EHMT1: variants seen among roughly 807,000 people sequenced by gnomAD.
The protein encoded by EHMT1 is histone-lysine N-methyltransferase EHMT1.
In EHMT1, 15 loss-of-function variants were observed where a neutral mutation model predicts 147.2. That is an observed-to-expected ratio of 0.10 (90% CI 0.07 to 0.16). The LOEUF is 0.16. EHMT1 is among the 10% of genes least tolerant of loss of function. The pLI is 1.00. For synonymous variants in EHMT1, 795 were observed against 709.6 expected, an observed-to-expected ratio of 1.12 and a Z score of -1.91; for missense variants, 1,587 against 1,772.4, an observed-to-expected ratio of 0.90 and a Z score of 1.88.
intron 1 of EHMT1, among the ~76,000 whole-genome samples, chr9:137,657,211 G>C (rs1938551496): frequency 6.6e-6 from 1 of 152,206 alleles, no homozygotes; most frequent in African/African-American, 2.4e-5. Context: ...CAGTCTTGAG[G>C]AAGCAGCAGG....
chr9:137,637,848 A>G (rs879314722), intron 1 of EHMT1, among the ~76,000 whole-genome samples: 2 of 151,562 alleles, frequency 1.3e-5, no homozygotes, highest in South Asian at 2.1e-4. Flanking sequence ...TAATTTCCTT[A>G]TTTGTTCTAG....
At position 137,743,353 on chromosome 9, in the gene EHMT1, T is replaced by A; in HGVS notation, c.824-18T>A. The stretch of plus-strand genomic sequence containing the variant: ...TTTTCCTTTCTTGTCCCCTTTTGAC[T>A]TTTTTTTTTTTTTTTAGCTTGCTTG... On this transcript the variant is annotated intron_variant, in intron 4 of 26. Transcript: ENST00000460843. The A allele has an allele frequency of 6.9e-6, 1 of 144,588 alleles. No homozygotes were observed. The allele number at this position is 144,588 out of a possible 1,614,324, so 9.0% of individuals were successfully genotyped here.
intron 25 of EHMT1, among the ~76,000 whole-genome samples, chr9:137,830,592 A>T (rs1956123896): frequency 6.6e-6 from 1 of 152,232 alleles, no homozygotes; most frequent in African/African-American, 2.4e-5. Context: ...TACCGATAAC[A>T]GTAAGCACCA....
At chr9:137,675,888 A>G (rs1283627271) in intron 1 of EHMT1, among the ~76,000 whole-genome samples, 3 of 136,848 alleles carry the variant, frequency 2.2e-5, no homozygotes, top group African/African-American at 5.6e-5. Flanking sequence ...GGTTCACGCC[A>G]TTCTCCCGCC....
intron 22 of EHMT1, 181 bp from the exon 23 acceptor site, chr9:137,815,766 G>C (rs1020646512): frequency 9.1e-6 from 6 of 657,390 alleles, no homozygotes; most frequent in Non-Finnish European, 1.7e-5. Flanking sequence ...TCTGGGTGGA[G>C]GCTTCTCATC....
At chr9:137,700,463 A>G (rs10780183) in intron 1 of EHMT1, among the ~76,000 whole-genome samples, 27,422 of 152,216 alleles carry the variant, frequency 0.18, 2,722 homozygotes, top group Admixed American at 0.31. Flanking sequence ...CTTAGACAAT[A>G]TATTAAAGTG....
intron 1 of EHMT1, among the ~76,000 whole-genome samples, chr9:137,673,152 T>G (rs1820145753): frequency 6.6e-6 from 1 of 152,182 alleles, no homozygotes; most frequent in Admixed American, 6.5e-5. Context: ...CAGGGTTGTC[T>G]CATCTTAGAG....
At chr9:137,780,477 T>C (rs1191431874) in intron 14 of EHMT1, among the ~76,000 whole-genome samples, 8 of 114,272 alleles carry the variant, frequency 7.0e-5, no homozygotes, top group Middle Eastern at 7.8e-3. Flanking sequence ...GTGATGACGC[T>C]GAGACGTGTG....
chr9:137,792,680 G>A (rs1464755102), intron 16 of EHMT1, among the ~76,000 whole-genome samples: 2 of 152,210 alleles, frequency 1.3e-5, no homozygotes, highest in African/African-American at 2.4e-5. Context: ...GCTCCAACCT[G>A]GGTGACAAGA....
At chr9:137,714,216 G>T (rs550802388) in intron 2 of EHMT1, among the ~76,000 whole-genome samples, 1 of 152,180 alleles carries the variant, frequency 6.6e-6, no homozygotes, top group Admixed American at 6.5e-5. Context: ...TCTGGTTTCT[G>T]ATCTTAGGGA....
chr9:137,650,662 C>A (rs916311608), intron 1 of EHMT1, among the ~76,000 whole-genome samples: 1 of 150,468 alleles, frequency 6.6e-6, no homozygotes, highest in Non-Finnish European at 1.5e-5. Context: ...TATAGGACCC[C>A]CCGCTTTTTT....
At chr9:137,811,212 A>G (rs932760497) in intron 18 of EHMT1, among the ~76,000 whole-genome samples, 4 of 152,168 alleles carry the variant, frequency 2.6e-5, no homozygotes, top group Non-Finnish European at 4.4e-5. Context: ...TGATTATGCT[A>G]CTTTTATAAT....
chr9:137,793,427 T>C (rs1256387590), intron 16 of EHMT1, among the ~76,000 whole-genome samples: 5 of 152,208 alleles, frequency 3.3e-5, no homozygotes, highest in African/African-American at 1.2e-4. Context: ...ATCGGAACTC[T>C]CACGCGTTGC....
At chr9:137,683,114 A>C (rs1240422910) in intron 1 of EHMT1, among the ~76,000 whole-genome samples, 1 of 152,266 alleles carries the variant, frequency 6.6e-6, no homozygotes, top group Non-Finnish European at 1.5e-5. Context: ...TACATGGGTT[A>C]GTTAGGTCAC....
chr9:137,741,937 A>G (rs2136022874), intron 4 of EHMT1, among the ~76,000 whole-genome samples: 1 of 152,336 alleles, frequency 6.6e-6, no homozygotes, highest in African/African-American at 2.4e-5. Flanking sequence ...TATCTATTCA[A>G]AATATCAAGA....
chr9:137,678,799 A>G (rs1036010444), intron 1 of EHMT1, among the ~76,000 whole-genome samples: 1 of 135,116 alleles, frequency 7.4e-6, no homozygotes, highest in Non-Finnish European at 1.5e-5. Context: ...ACGGCTGCCC[A>G]GCAGCTGGCA....
intron 1 of EHMT1, among the ~76,000 whole-genome samples, chr9:137,667,925 CCTT>C (rs1274072404): frequency 7.2e-5 from 11 of 152,054 alleles, no homozygotes; most frequent in African/African-American, 2.2e-4. Context: ...ATTATCTTTA[CCTT>C]CAGGGTAAAT....
chr9:137,819,622 GCGCCGTGTACC>G lies in EHMT1; in HGVS notation c.3540+1485_3540+1495del, dbSNP rs1564822614. ...AGACTGTAGAGAGGCCGATTGAGGG[GCGCCGTGTACC>G]GAGACTGTAGAGAGGCTGAGGGGGG... On this transcript the variant is annotated intron_variant, in intron 25 of 26. Coordinates refer to ENST00000460843, the MANE Select transcript of EHMT1 (RefSeq NM_024757.5). 3.0e-4 allele frequency among the ~76,000 whole-genome samples: 39 copies of G among 129,434 alleles called. 5 individuals carry two copies. Among genetic ancestry groups the G allele is most frequent in the African/African-American group, 1.4e-3 (37 of 27,010 alleles). The allele number at this position is 129,434 out of a possible 152,430, so 84.9% of individuals were successfully genotyped here. A position where few individuals can be genotyped will look rare whatever the true frequency, so the allele number is the denominator to read the frequency against.
At chr9:137,702,940 G>GATGATATCCATAC (rs1317506958) in intron 1 of EHMT1, among the ~76,000 whole-genome samples, 1 of 152,198 alleles carries the variant, frequency 6.6e-6, no homozygotes, top group African/African-American at 2.4e-5. Context: ...CAGATGTATG[G>GATGATATCCATAC]ATGATATCCA....
Sources: gnomAD v4.1 joint callset for allele counts (sites outside exome capture counted in the v4.1 genomes callset) on GRCh38, gnomAD v4.1.1 for gene constraint, MANE v1.5 for transcripts, NCBI Gene and HGNC (gene_info 2026-07-23, HGNC 2026-07-21) for gene names.